The following ITGB3 variants were observed in gnomAD, a reference collection of about 807,000 sequenced individuals.
ITGB3 encodes integrin beta-3.
Under a neutral mutation model 85.8 loss-of-function variants are expected in ITGB3, and 48 were observed. The ratio of observed to expected loss-of-function variants is 0.56; its 90% CI spans 0.44 to 0.71. ITGB3 has a LOEUF of 0.71. ITGB3 is among the 30% of genes least tolerant of loss of function. ITGB3 has a pLI of 0.00. For missense variants in ITGB3, 861 were observed against 1,019.1 expected (o/e 0.84, Z 2.11); for synonymous variants, 363 against 395.6 (o/e 0.92, Z 0.98).
At chr17:47,308,184 T>TAA (rs1555574019) in intron 14 of ITGB3, among the ~76,000 whole-genome samples, 1 of 148,662 alleles carries the variant, frequency 6.7e-6, no homozygotes, top group South Asian at 2.1e-4. Flanking sequence ...ATAATAATAA[T>TAA]AATAAAATAA....
intron 1 of ITGB3, among the ~76,000 whole-genome samples, chr17:47,257,178 A>AG (rs1241514585): frequency 6.6e-6 from 1 of 152,232 alleles, no homozygotes; most frequent in Non-Finnish European, 1.5e-5. Context: ...CATGTATTGG[A>AG]GGCAAAAGCT....
chr17:47,300,334 GGCGCGCGC>G, intron 11 of ITGB3, 136 bp from the exon 12 acceptor site: 2 of 501,882 alleles, frequency 4.0e-6, no homozygotes, highest in Non-Finnish European at 7.3e-6. Context: ...TTGTCTTACA[GGCGCGCGC>G]GCGCGTGTGT....
At chr17:47,270,842 T>C (rs908361401) in intron 1 of ITGB3, among the ~76,000 whole-genome samples, 7 of 152,196 alleles carry the variant, frequency 4.6e-5, no homozygotes, top group African/African-American at 1.7e-4. Flanking sequence ...ATTCCGCATA[T>C]AATCTAGGGT....
At chr17:47,273,927 C>T (rs2065054020) in intron 1 of ITGB3, among the ~76,000 whole-genome samples, 1 of 152,192 alleles carries the variant, frequency 6.6e-6, no homozygotes, top group Non-Finnish European at 1.5e-5. Flanking sequence ...ACACTGCCAC[C>T]AAAGTCACCT....
At chr17:47,277,866 GA>G (rs1312242584) in intron 2 of ITGB3, among the ~76,000 whole-genome samples, 1 of 152,174 alleles carries the variant, frequency 6.6e-6, no homozygotes, top group African/African-American at 2.4e-5. Flanking sequence ...GCAACTGCAG[GA>G]GCAAGATATA....
chr17:47,282,748 T>C (rs2065088315), intron 2 of ITGB3, among the ~76,000 whole-genome samples: 1 of 152,256 alleles, frequency 6.6e-6, no homozygotes, highest in Admixed American at 6.5e-5. Context: ...CTGTTTTGAC[T>C]CTGACCTACA....
At position 47,283,547 on chromosome 17, in the gene ITGB3, C is replaced by T; in HGVS notation, c.359C>T (p.Pro120Leu). ...SPQRIALRLR[P>L]DDSKNFSIQV... ...CAGAGGATTGCACTCCGGCTCCGGC[C>T]AGGTAGGGCTGGGACTCTTTGCGGG... Residue 120 changes from proline to leucine, a missense_variant and splice_region_variant, in exon 3 of 15, where the codon CCA becomes CTA. Pro to Leu is a moderately conservative substitution (Grantham distance 98, BLOSUM62 -3). Coordinates refer to ENST00000559488, the MANE Select transcript of ITGB3 (RefSeq NM_000212.3). The T allele has an allele frequency of 6.2e-7, 1 of 1,614,144 alleles. No individual in the cohort carries two copies. Among genetic ancestry groups the T allele is most frequent in the Non-Finnish European group, 8.5e-7 (1 of 1,180,016 alleles).
intron 1 of ITGB3, among the ~76,000 whole-genome samples, chr17:47,262,458 T>TGTGCCTTGTTTGAGGGTTCTC (rs1320646819): frequency 2.6e-5 from 4 of 152,216 alleles, no homozygotes; most frequent in African/African-American, 7.2e-5. Context: ...AATGGCCACT[T>TGTGCCTTGTTTGAGGGTTCTC]GTGCCTTGTT....
In ITGB3 at chr17:47,283,431, G is replaced by A. The variant is rs2065091112; in HGVS notation, c.243G>A (p.Glu81=). The change falls in exon 3 of 15, where the codon GAG becomes GAA. Residue 81 remains glutamate (E), a synonymous_variant. Coordinates refer to ENST00000559488, the MANE Select transcript of ITGB3 (RefSeq NM_000212.3). ...ATAACTGTGCCCCAGAATCCATCGA[G>A]TTCCCAGTGAGTGAGGCCCGAGTAC... ...LKDNCAPESI[E]FPVSEARVLE... is the part of the protein sequence containing the mutation. The A allele has an allele frequency of 1.2e-6, 2 of 1,614,102 alleles. No homozygotes were observed. Among genetic ancestry groups the A allele is most frequent in the Non-Finnish European group, 8.5e-7 (1 of 1,180,058 alleles).
At chr17:47,308,617 C>T (rs1407733957) in intron 14 of ITGB3, among the ~76,000 whole-genome samples, 1 of 152,160 alleles carries the variant, frequency 6.6e-6, no homozygotes, top group Admixed American at 6.5e-5. Flanking sequence ...ATTCTCCTGC[C>T]TCAGCCTCCC....
chr17:47,292,576 G>A lies in ITGB3; in HGVS notation c.1690+8G>A, dbSNP rs373750663. The A allele has an allele frequency of 6.3e-6, 10 of 1,599,744 alleles. No homozygotes were observed. The Admixed American group carries it at 8.3e-5, about 13-fold the overall frequency. On this transcript the variant is annotated splice_region_variant and intron_variant, in intron 10 of 14. Coordinates refer to ENST00000559488, the MANE Select transcript of ITGB3 (RefSeq NM_000212.3). ...AGGGGGAGATGTGCTCAGGTGAGGA[G>A]AACTGCAGGGCCCCCTGTCCTGGAA... is the stretch of plus-strand genomic sequence containing the variant.
Position 47,312,417 on chromosome 17 carries a change from G to GA in ITGB3, c.*2214dup, listed in dbSNP as rs1378126432. On this transcript the variant is annotated 3_prime_UTR_variant, in exon 15 of 15. Transcript: ENST00000559488. ...GAGGGATAAATAGGGGGCGGGGAGGGATAGTCATGGATCCAAGAAGTCCTT... is the reference window on the plus strand; with the variant it reads ...GAGGGATAAATAGGGGGCGGGGAGGGAATAGTCATGGATCCAAGAAGTCCTT... Among the ~76,000 whole-genome samples the GA allele has an allele frequency of 1.3e-5, 2 of 152,296 alleles. No individual in the cohort carries two copies.
chr17:47,291,726 T>C (rs1247135275), intron 9 of ITGB3, among the ~76,000 whole-genome samples: 4 of 152,244 alleles, frequency 2.6e-5, no homozygotes, highest in Non-Finnish European at 5.9e-5. Context: ...AAGTAGATCC[T>C]GAGCTTATGA....
chr17:47,269,325 T>C (rs77632575), intron 1 of ITGB3, among the ~76,000 whole-genome samples: 1 of 152,146 alleles, frequency 6.6e-6, no homozygotes, highest in African/African-American at 2.4e-5. Flanking sequence ...AGAAAATGGG[T>C]TTTTCTTTTC....
At chr17:47,269,534 G>A (rs2065037291) in intron 1 of ITGB3, among the ~76,000 whole-genome samples, 1 of 152,120 alleles carries the variant, frequency 6.6e-6, no homozygotes, top group African/African-American at 2.4e-5. Context: ...CTTTACTCCA[G>A]TTCCCAATAA....
At chr17:47,254,617 C>G (rs1343632735) in intron 1 of ITGB3, among the ~76,000 whole-genome samples, 1 of 152,154 alleles carries the variant, frequency 6.6e-6, no homozygotes, top group African/African-American at 2.4e-5. Flanking sequence ...CGAAAAATCT[C>G]TAGTGTATTC....
In ITGB3 at chr17:47,274,653, A is replaced by T. The variant is rs572089339; in HGVS notation, c.165+149A>T. The stretch of plus-strand genomic sequence containing the variant: ...TTTGATGAATTTTTCCCATTGATGC[A>T]TGGTGAGGAGCTGTCATGGGGATGT... On this transcript the variant is annotated intron_variant, in intron 2 of 14. Coordinates refer to ENST00000559488, the MANE Select transcript of ITGB3 (RefSeq NM_000212.3). The T allele has an allele frequency of 4.2e-6, 3 of 715,158 alleles. No homozygotes were observed. In the Admixed American group the frequency reaches 6.1e-5, roughly 15 times the overall value. 44.3% of individuals were successfully genotyped at this position (715,158 alleles called of 1,614,324 possible). A position where few individuals can be genotyped will look rare whatever the true frequency, so the allele number is the denominator to read the frequency against.
In ITGB3 at chr17:47,286,315, G is replaced by A. The variant is rs763017753; in HGVS notation, c.670G>A (p.Asp224Asn). 1.2e-4 allele frequency: 190 copies of A among 1,614,034 alleles called. No individual in the cohort carries two copies. The highest frequency in any genetic ancestry group is 1.1e-3 in the Admixed American group (69 of 60,004). The change falls in exon 5 of 15, where the codon GAC (aspartate) becomes AAC (asparagine). Residue 224 changes from aspartate to asparagine, a missense_variant. Physicochemically the swap from Asp to Asn is conservative, Grantham distance 23. Transcript: ENST00000559488. ...FGYKHVLTLT[D>N]QVTRFNEEVK... ...CTACAAACACGTGCTGACGCTAACT[G>A]ACCAGGTGACCCGCTTCAATGAGGA...
chr17:47,281,865 G>A (rs1295319401), intron 2 of ITGB3, among the ~76,000 whole-genome samples: 2 of 152,220 alleles, frequency 1.3e-5, no homozygotes, highest in Admixed American at 1.3e-4. Context: ...TGACATCCCT[G>A]TGAGGGAGGT....
Sources: allele counts gnomAD v4.1 joint callset (sites outside exome capture counted in the v4.1 genomes callset), GRCh38; gene constraint gnomAD v4.1.1; transcripts MANE v1.5; gene names NCBI Gene and HGNC (gene_info 2026-07-23, HGNC 2026-07-21).